ANXA8: variants seen among roughly 807,000 people sequenced by gnomAD.
ANXA8 encodes the protein VAC-beta.
ANXA8 carries 9 observed loss-of-function variants against 26.8 expected under a neutral mutation model. The observed-to-expected ratio is 0.34, with a 90% confidence interval of 0.20 to 0.59. ANXA8 has a LOEUF of 0.59. Ranked by LOEUF, ANXA8 falls within the 20% of genes least tolerant of loss-of-function variation. The pLI is 0.84. For missense variants in ANXA8, 83 were observed against 238.5 expected (o/e 0.35, Z 4.29); for synonymous variants, 39 against 94.8 (o/e 0.41, Z 3.42).
the ANXA8 span, among the ~76,000 whole-genome samples, chr10:47,586,553 G>A: frequency 1.4e-5 from 2 of 145,582 alleles, no homozygotes; most frequent in Non-Finnish European, 2.9e-5. Flanking sequence ...CCGCATCAAA[G>A]TGGAGGGACT....
chr10:47,497,014 T>C, the ANXA8 span, among the ~76,000 whole-genome samples: 1 of 150,086 alleles, frequency 6.7e-6, no homozygotes, highest in Non-Finnish European at 1.5e-5. Flanking sequence ...TTTTGTATTT[T>C]CTCAAACGTT....
chr10:47,939,006 C>G, the ANXA8 span, among the ~76,000 whole-genome samples: 1 of 144,302 alleles, frequency 6.9e-6, no homozygotes, highest in Non-Finnish European at 1.5e-5. Flanking sequence ...GACCTTCTTC[C>G]CCTCAGAGCC....
At chr10:47,958,149 G>T in the ANXA8 span, among the ~76,000 whole-genome samples, 1 of 150,008 alleles carries the variant, frequency 6.7e-6, no homozygotes, top group South Asian at 2.1e-4. Context: ...CCCTCCATTC[G>T]CCTGCATGGC....
At chr10:47,557,334 C>T in the ANXA8 span, among the ~76,000 whole-genome samples, 1 of 151,332 alleles carries the variant, frequency 6.6e-6, no homozygotes, top group Admixed American at 6.6e-5. Context: ...TTCTTAGCTC[C>T]TATATGCAGT....
the ANXA8 span, among the ~76,000 whole-genome samples, chr10:47,553,058 G>A: frequency 6.6e-6 from 1 of 151,960 alleles, no homozygotes; most frequent in Non-Finnish European, 1.5e-5. Flanking sequence ...AGGAGAGCTG[G>A]GCACTAGGAA....
the ANXA8 span, among the ~76,000 whole-genome samples, chr10:47,975,780 A>T: frequency 4.4e-3 from 644 of 146,150 alleles, 6 homozygotes; most frequent in African/African-American, 0.015. Flanking sequence ...TCCTGGGTAC[A>T]GAGAAGGCTC....
chr10:47,560,116 A>G, the ANXA8 span, among the ~76,000 whole-genome samples: 1 of 151,804 alleles, frequency 6.6e-6, no homozygotes, highest in African/African-American at 2.4e-5. Flanking sequence ...CATTCTGTTT[A>G]CACTGTTGTG....
chr10:47,566,607 G>C, the ANXA8 span, among the ~76,000 whole-genome samples: 1 of 146,370 alleles, frequency 6.8e-6, no homozygotes, highest in African/African-American at 2.5e-5. Context: ...CCCCAGAGCT[G>C]TTCCCTCTCA....
chr10:47,560,754 A>T, the ANXA8 span, among the ~76,000 whole-genome samples: 1 of 152,188 alleles, frequency 6.6e-6, no homozygotes, highest in Admixed American at 6.5e-5. Context: ...AGTTATCATT[A>T]AATATGTGGT....
the ANXA8 span, among the ~76,000 whole-genome samples, chr10:47,779,947 TAGC>T: frequency 4.0e-5 from 4 of 99,782 alleles, no homozygotes; most frequent in Non-Finnish European, 6.0e-5. Context: ...GGGGGACAAT[TAGC>T]AGTCTCTGTC....
the ANXA8 span, among the ~76,000 whole-genome samples, chr10:47,697,281 A>G: frequency 2.6e-5 from 4 of 152,240 alleles, no homozygotes; most frequent in Non-Finnish European, 5.9e-5. Flanking sequence ...GGAGATAAAA[A>G]TACATATATA....
chr10:47,474,257 C>G, intron 8 of ANXA8, 48 bp downstream of exon 8: 1 of 1,582,900 alleles, frequency 6.3e-7, no homozygotes, highest in Non-Finnish European at 8.5e-7. Flanking sequence ...AGGCTCATGG[C>G]CAGGACACCC....
chr10:47,684,072 T>C, the ANXA8 span, among the ~76,000 whole-genome samples: 1 of 151,924 alleles, frequency 6.6e-6, no homozygotes, highest in Non-Finnish European at 1.5e-5. Flanking sequence ...TTTTTCCGAC[T>C]GAAGCGGCCT....
the ANXA8 span, among the ~76,000 whole-genome samples, chr10:47,970,738 T>C: frequency 6.6e-6 from 1 of 151,438 alleles, no homozygotes; most frequent in Non-Finnish European, 1.5e-5. Context: ...TTTTCATTTT[T>C]CAAACCTTTT....
the ANXA8 span, among the ~76,000 whole-genome samples, chr10:47,750,354 CTTAT>C: frequency 7.5e-6 from 1 of 132,696 alleles, no homozygotes. Flanking sequence ...TATTTATTTA[CTTAT>C]TTTATTTTTT....
chr10:47,495,742 A>C, the ANXA8 span, among the ~76,000 whole-genome samples: 1 of 149,286 alleles, frequency 6.7e-6, no homozygotes. Flanking sequence ...AGAAATTAGG[A>C]AGCTGGGAAG....
the ANXA8 span, among the ~76,000 whole-genome samples, chr10:47,766,153 C>T: frequency 2.5e-5 from 3 of 119,358 alleles, no homozygotes; most frequent in Non-Finnish European, 5.2e-5. Context: ...CACTATCCAC[C>T]TCCAGGGCTG....
chr10:47,622,228 G>T, the ANXA8 span, among the ~76,000 whole-genome samples: 2 of 112,056 alleles, frequency 1.8e-5, 1 homozygote, highest in Non-Finnish European at 3.9e-5. Context: ...AGTACTACCC[G>T]CTTTGTCCTC....
At chr10:47,684,348 C>G in the ANXA8 span, among the ~76,000 whole-genome samples, 1 of 151,364 alleles carries the variant, frequency 6.6e-6, no homozygotes, top group Admixed American at 6.6e-5. Flanking sequence ...GTAGCAGTAG[C>G]CTTTGATATA....
Sources: allele counts gnomAD v4.1 joint callset (sites outside exome capture counted in the v4.1 genomes callset), GRCh38; gene constraint gnomAD v4.1.1; transcripts MANE v1.5; gene names NCBI Gene and HGNC (gene_info 2026-07-23, HGNC 2026-07-21).